The following LARP4 variants were observed in gnomAD, a reference collection of about 807,000 sequenced individuals.
The protein encoded by LARP4 is la-related protein 4.
LARP4 carries 29 observed loss-of-function variants against 92.9 expected under a neutral mutation model. The ratio of observed to expected loss-of-function variants is 0.31; its 90% CI spans 0.23 to 0.43. The LOEUF is 0.43. Ranked by LOEUF, LARP4 falls within the 20% of genes least tolerant of loss-of-function variation. LARP4 has a pLI of 1.00. For synonymous variants in LARP4, 279 were observed against 284.1 expected (o/e 0.98, Z 0.18); for missense variants, 732 against 860.0 (o/e 0.85, Z 1.86).
At chr12:50,446,988 C>A (rs1952315753) in intron 8 of LARP4, among the ~76,000 whole-genome samples, 2 of 152,146 alleles carry the variant, frequency 1.3e-5, no homozygotes, top group South Asian at 2.1e-4. Flanking sequence ...TTCATACATT[C>A]ATTGCAGTGG....
At chr12:50,404,604 G>A (rs531803201) in intron 1 of LARP4, among the ~76,000 whole-genome samples, 209 of 151,690 alleles carry the variant, frequency 1.4e-3, no homozygotes, top group African/African-American at 4.9e-3. Context: ...TCTTGAGACC[G>A]AGTCTCGCTC....
intron 8 of LARP4, among the ~76,000 whole-genome samples, chr12:50,446,684 CCCAAA>C (rs1296126597): frequency 1.3e-5 from 2 of 151,344 alleles, no homozygotes; most frequent in East Asian, 3.9e-4. Flanking sequence ...GCCTCAGCCC[CCCAAA>C]GTACTGGGAT....
chr12:50,440,013 T>C (rs560737451), intron 6 of LARP4, among the ~76,000 whole-genome samples: 1 of 152,348 alleles, frequency 6.6e-6, no homozygotes, highest in South Asian at 2.1e-4. Flanking sequence ...ATGAAAGATA[T>C]CACTTGTCCT....
chr12:50,463,949 A>G (rs1428065275), intron 12 of LARP4, among the ~76,000 whole-genome samples: 2 of 152,076 alleles, frequency 1.3e-5, no homozygotes, highest in Admixed American at 1.3e-4. Context: ...TTTCTTTCAG[A>G]GGATGCCATA....
chr12:50,441,383 A>C, intron 7 of LARP4: 4 of 406,788 alleles, frequency 9.8e-6, no homozygotes, highest in Non-Finnish European at 1.8e-5. Flanking sequence ...TGTCTGCAGT[A>C]ATCCATGGTG....
At chr12:50,451,132 CATTATT>C (rs1953113821) in intron 8 of LARP4, among the ~76,000 whole-genome samples, 1 of 152,110 alleles carries the variant, frequency 6.6e-6, no homozygotes, top group South Asian at 2.1e-4. Context: ...TTACATAATA[CATTATT>C]ATTAACTATC....
At chr12:50,423,008 C>T (rs1156692540) in intron 1 of LARP4, among the ~76,000 whole-genome samples, 3 of 151,536 alleles carry the variant, frequency 2.0e-5, no homozygotes, top group Admixed American at 6.6e-5. Context: ...TTAGTAGCGA[C>T]GGGGTTTCGT....
In LARP4 at chr12:50,417,103, T is replaced by A. The variant is rs535034791; in HGVS notation, c.19-10659T>A. Among the ~76,000 whole-genome samples the A allele has an allele frequency of 7.3e-4, 111 of 151,988 alleles. No homozygotes were observed. The South Asian group carries it at 7.7e-3, about 11-fold the overall frequency. On this transcript the variant is annotated intron_variant, in intron 1 of 15. Coordinates refer to ENST00000398473, the MANE Select transcript of LARP4 (RefSeq NM_052879.5). Reference sequence around the variant, plus strand: ...ATATATAGTGGCAAATATGAAAGTGTCTTGCTTTTGAAAATTGATACTTAT... The same window carrying A: ...ATATATAGTGGCAAATATGAAAGTGACTTGCTTTTGAAAATTGATACTTAT...
At chr12:50,432,838 G>C (rs959272090) in intron 4 of LARP4, among the ~76,000 whole-genome samples, 1 of 120,620 alleles carries the variant, frequency 8.3e-6, no homozygotes, top group Admixed American at 1.1e-4. Context: ...CCAGACTGGG[G>C]AATAAGAGCG....
At chr12:50,423,128 ATTC>A in intron 1 of LARP4, among the ~76,000 whole-genome samples, 1 of 152,092 alleles carries the variant, frequency 6.6e-6, no homozygotes, top group African/African-American at 2.4e-5. Context: ...CTGGAAAATT[ATTC>A]TTAAGGGCTT....
Position 50,462,531 on chromosome 12 carries a change from T to C in LARP4, c.1335-51T>C, listed in dbSNP as rs780370150. 12 of 1,006,046 alleles carry C rather than the reference T, an allele frequency of 1.2e-5. No homozygotes were observed. In the South Asian group the frequency reaches 1.6e-4, roughly 14 times the overall value. The allele number at this position is 1,006,046 out of a possible 1,614,324, so 62.3% of individuals were successfully genotyped here. A position where few individuals can be genotyped will look rare whatever the true frequency, so the allele number is the denominator to read the frequency against. On this transcript the variant is annotated intron_variant, in intron 11 of 15. Coordinates refer to ENST00000398473, the MANE Select transcript of LARP4 (RefSeq NM_052879.5). ...TAGAATGTATATATCTGAAGAAACT[T>C]ATGACTTGTCCCTCCACCCCACCCC...
chr12:50,473,550 T>C lies in LARP4; in HGVS notation c.1667+14T>C, dbSNP rs1193739820. The stretch of plus-strand genomic sequence containing the variant: ...TACTGCATTAAGGTACAAGTTATAG[T>C]ATAGAAGATCTTCAACATTAAATTA... On this transcript the variant is annotated intron_variant, in intron 14 of 15. Coordinates refer to ENST00000398473, the MANE Select transcript of LARP4 (RefSeq NM_052879.5). The C allele has an allele frequency of 1.2e-6, 2 of 1,606,646 alleles. No individual in the cohort carries two copies. Among genetic ancestry groups the C allele is most frequent in the Non-Finnish European group, 1.7e-6 (2 of 1,174,834 alleles).
At chr12:50,436,881 A>G (rs1950533101) in intron 5 of LARP4, among the ~76,000 whole-genome samples, 1 of 152,236 alleles carries the variant, frequency 6.6e-6, no homozygotes. Flanking sequence ...ACAAACATTA[A>G]TGGAACATTA....
chr12:50,402,194 G>GT (rs143859352), intron 1 of LARP4, among the ~76,000 whole-genome samples: 17,873 of 151,054 alleles, frequency 0.12, 1,377 homozygotes, highest in Non-Finnish European at 0.18. Flanking sequence ...TGATTTTACG[G>GT]TTTTTTTTTC....
intron 13 of LARP4, among the ~76,000 whole-genome samples, chr12:50,470,111 C>A (rs1165424725): frequency 6.6e-6 from 1 of 151,586 alleles, no homozygotes; most frequent in Non-Finnish European, 1.5e-5. Flanking sequence ...GTAGTCCTTG[C>A]TACTTGGGAA....
At chr12:50,421,448 C>A (rs909108645) in intron 1 of LARP4, among the ~76,000 whole-genome samples, 1 of 151,658 alleles carries the variant, frequency 6.6e-6, no homozygotes, top group Non-Finnish European at 1.5e-5. Context: ...TCGAGACCAG[C>A]CTGGACAATA....
At position 50,404,987 on chromosome 12, in the gene LARP4, G is replaced by A. The variant is rs148748530; in HGVS notation, c.18+3959G>A. Among the ~76,000 whole-genome samples the A allele has an allele frequency of 2.3e-4, 35 of 150,812 alleles. No individual in the cohort carries two copies. The East Asian group carries it at 6.5e-3, about 28-fold the overall frequency. Reference sequence around the variant, plus strand: ...ACAGGCGTGAGCCACCACACCTGGCGGGTTCAAGCAGTTCTGCCTCAGCCT... The same window carrying A: ...ACAGGCGTGAGCCACCACACCTGGCAGGTTCAAGCAGTTCTGCCTCAGCCT... On this transcript the variant is annotated intron_variant, in intron 1 of 15. Coordinates refer to ENST00000398473, the MANE Select transcript of LARP4 (RefSeq NM_052879.5).
In LARP4 at chr12:50,478,352, A is replaced by G. The variant is rs1277301936; in HGVS notation, c.*2488A>G. 1.3e-5 allele frequency: 2 copies of G among 151,786 alleles called. No individual in the cohort carries two copies. Among genetic ancestry groups the G allele is most frequent in the Non-Finnish European group, 2.9e-5 (2 of 67,800 alleles). 9.4% of individuals were successfully genotyped at this position (151,786 alleles called of 1,614,324 possible). ...GTGTGTGTATGTGTGTGTAATATTTATATATATTCACAGTATGTATTTAGC... is the reference window on the plus strand; with the variant it reads ...GTGTGTGTATGTGTGTGTAATATTTGTATATATTCACAGTATGTATTTAGC... On this transcript the variant is annotated 3_prime_UTR_variant, in exon 16 of 16. Coordinates refer to ENST00000398473, the MANE Select transcript of LARP4 (RefSeq NM_052879.5).
chr12:50,402,831 G>T (rs767042714), intron 1 of LARP4: 24 of 454,026 alleles, frequency 5.3e-5, no homozygotes, highest in South Asian at 3.6e-4. Flanking sequence ...AAATTCTATC[G>T]TATCTCTCGC....
Sources: gnomAD v4.1 joint callset for allele counts (sites outside exome capture counted in the v4.1 genomes callset) on GRCh38, gnomAD v4.1.1 for gene constraint, MANE v1.5 for transcripts, NCBI Gene and HGNC (gene_info 2026-07-23, HGNC 2026-07-21) for gene names.